GPHN: variants seen among roughly 807,000 people sequenced by gnomAD.
The protein encoded by GPHN is gephyrin.
In GPHN, 17 loss-of-function variants were observed where a neutral mutation model predicts 95.5. The ratio of observed to expected loss-of-function variants is 0.18; its 90% CI spans 0.12 to 0.27. The LOEUF is 0.27. Among genes scored for constraint, GPHN ranks in the 10% least tolerant of loss-of-function variants. The pLI is 1.00. For missense variants in GPHN, 660 were observed against 978.1 expected, an observed-to-expected ratio of 0.67 and a Z score of 4.34; for synonymous variants, 320 against 322.5, an observed-to-expected ratio of 0.99 and a Z score of 0.08.
At chr14:67,044,296 C>T (rs2074874348) in intron 10 of GPHN, among the ~76,000 whole-genome samples, 1 of 151,960 alleles carries the variant, frequency 6.6e-6, no homozygotes, top group Non-Finnish European at 1.5e-5. Flanking sequence ...AAGATCGCAC[C>T]ACTGCACTCC....
chr14:66,769,963 C>G (rs1480544649), intron 2 of GPHN, among the ~76,000 whole-genome samples: 1 of 152,106 alleles, frequency 6.6e-6, no homozygotes, highest in Non-Finnish European at 1.5e-5. Flanking sequence ...ATACATGTTC[C>G]TTTTTCTCTG....
the GPHN span, among the ~76,000 whole-genome samples, chr14:67,275,453 C>G: frequency 6.6e-6 from 1 of 152,214 alleles, no homozygotes; most frequent in African/African-American, 2.4e-5. Flanking sequence ...ACCAGCCTTG[C>G]ATCCCAGGGA....
intron 2 of GPHN, among the ~76,000 whole-genome samples, chr14:66,771,758 A>G (rs1438470731): frequency 8.4e-6 from 1 of 118,508 alleles, no homozygotes; most frequent in Non-Finnish European, 1.6e-5. Context: ...CCAGAGTGTG[A>G]TGTTCCCCTT....
chr14:66,714,520 C>T (rs967238589), intron 2 of GPHN, among the ~76,000 whole-genome samples: 2 of 151,178 alleles, frequency 1.3e-5, no homozygotes, highest in Non-Finnish European at 3.0e-5. Context: ...GTGGCTAGGA[C>T]TTCGTGGTGA....
At chr14:67,502,344 GAAAGAAAAAA>G in the GPHN span, among the ~76,000 whole-genome samples, 3 of 140,756 alleles carry the variant, frequency 2.1e-5, no homozygotes, top group East Asian at 2.1e-4. Context: ...AAAAAGAAAA[GAAAGAAAAAA>G]AAAGAAAAAA....
chr14:67,297,072 A>G, the GPHN span, among the ~76,000 whole-genome samples: 9 of 152,250 alleles, frequency 5.9e-5, no homozygotes, highest in Non-Finnish European at 8.8e-5. Flanking sequence ...AGTCAAAAAT[A>G]ATACCACATG....
chr14:67,585,545 A>C, the GPHN span: 1 of 1,498,564 alleles, frequency 6.7e-7, no homozygotes, highest in Non-Finnish European at 9.1e-7. Context: ...GATATATCTG[A>C]TGGGTTGTTT....
At chr14:66,582,028 G>T (rs1357257049) in intron 1 of GPHN, among the ~76,000 whole-genome samples, 1 of 151,998 alleles carries the variant, frequency 6.6e-6, no homozygotes, top group African/African-American at 2.4e-5. Context: ...TAGACCAAAT[G>T]TAACAGACGT....
At chr14:67,067,851 C>A (rs1017914901) in intron 11 of GPHN, among the ~76,000 whole-genome samples, 2 of 152,212 alleles carry the variant, frequency 1.3e-5, no homozygotes, top group Non-Finnish European at 2.9e-5. Flanking sequence ...TTTCGAGGTA[C>A]AATCTGTCAC....
At chr14:67,103,481 A>C (rs1431863526) in intron 13 of GPHN, among the ~76,000 whole-genome samples, 4 of 141,436 alleles carry the variant, frequency 2.8e-5, no homozygotes, top group Admixed American at 1.4e-4. Context: ...AATTCTTCCA[A>C]CCCAACGACA....
At chr14:66,990,666 C>T (rs1318105645) in intron 9 of GPHN, among the ~76,000 whole-genome samples, 1 of 152,046 alleles carries the variant, frequency 6.6e-6, no homozygotes, top group African/African-American at 2.4e-5. Context: ...ACATAACCTA[C>T]AGTTACTTTT....
At chr14:66,727,953 C>A (rs1056035574) in intron 2 of GPHN, among the ~76,000 whole-genome samples, 5 of 152,126 alleles carry the variant, frequency 3.3e-5, no homozygotes, top group African/African-American at 1.2e-4. Flanking sequence ...ATCACAGGCC[C>A]AGAGGCATAG....
the GPHN span, among the ~76,000 whole-genome samples, chr14:67,515,854 A>C: frequency 6.6e-6 from 1 of 152,174 alleles, no homozygotes; most frequent in Admixed American, 6.5e-5. Flanking sequence ...CAGTTCATGG[A>C]AACAGCCATG....
the GPHN span, among the ~76,000 whole-genome samples, chr14:67,625,328 C>T: frequency 2.0e-5 from 3 of 152,026 alleles, no homozygotes; most frequent in African/African-American, 7.2e-5. Flanking sequence ...TCATAAGTGA[C>T]AAAAATTAAA....
chr14:67,239,934 T>TA, the GPHN span, among the ~76,000 whole-genome samples: 2 of 152,176 alleles, frequency 1.3e-5, no homozygotes, highest in Admixed American at 1.3e-4. Context: ...GGGGTATGGC[T>TA]AGTAGTTTCT....
At chr14:67,082,207 A>G (rs1268050464) in intron 11 of GPHN, among the ~76,000 whole-genome samples, 1 of 152,100 alleles carries the variant, frequency 6.6e-6, no homozygotes, top group Non-Finnish European at 1.5e-5. Context: ...TCATTTTCAC[A>G]ATATTGATTC....
the GPHN span, chr14:67,575,484 C>T: frequency 6.5e-7 from 1 of 1,544,286 alleles, no homozygotes. Flanking sequence ...TACTTCTCAG[C>T]CTCCTCACAA....
In GPHN at chr14:66,767,371, G is replaced by A. The variant is rs553677184; in HGVS notation, c.144-9093G>A. Among the ~76,000 whole-genome samples, 13 of 150,730 alleles carry A rather than the reference G, an allele frequency of 8.6e-5. No individual in the cohort carries two copies. The South Asian group carries it at 2.7e-3, about 32-fold the overall frequency. ...TGGTACTTTTTCAGTTTCTAATCCAGGCTGCCAAGGAGTACTAGAGAGATT... is the reference window on the plus strand; with the variant it reads ...TGGTACTTTTTCAGTTTCTAATCCAAGCTGCCAAGGAGTACTAGAGAGATT... On this transcript the variant is annotated intron_variant, in intron 2 of 22. Transcript: ENST00000478722.
the GPHN span, chr14:67,271,219 T>C: frequency 3.3e-5 from 5 of 152,346 alleles, no homozygotes; most frequent in Non-Finnish European, 7.3e-5. Context: ...GATCTACAGT[T>C]ACCTTGAAAT....
Sources: gnomAD v4.1 joint callset for allele counts (sites outside exome capture counted in the v4.1 genomes callset) on GRCh38, gnomAD v4.1.1 for gene constraint, MANE v1.5 for transcripts, NCBI Gene and HGNC (gene_info 2026-07-23, HGNC 2026-07-21) for gene names.